The following LARP1B variants were observed in gnomAD, a reference collection of about 807,000 sequenced individuals.
LARP1B encodes the protein La ribonucleoprotein 1B, also known as la-related protein 1B.
A neutral mutation model predicts 114.2 loss-of-function variants in LARP1B; 76 were observed. That is an observed-to-expected ratio of 0.67 (90% confidence interval 0.55 to 0.81). LARP1B has a LOEUF of 0.81. LARP1B is among the 30% of genes least tolerant of loss of function. LARP1B has a pLI of 0.00. For missense variants in LARP1B, 1,014 were observed against 1,075.8 expected, an observed-to-expected ratio of 0.94 and a Z score of 0.80; for synonymous variants, 345 against 348.0, an observed-to-expected ratio of 0.99 and a Z score of 0.10.
At chr4:128,195,615 T>C (rs1388460657) in intron 15 of LARP1B, among the ~76,000 whole-genome samples, 3 of 152,234 alleles carry the variant, frequency 2.0e-5, no homozygotes, top group African/African-American at 7.2e-5. Context: ...GTACCTGTCA[T>C]ACTTTGCAGT....
chr4:128,109,027 C>A, intron 9 of LARP1B: 1 of 167,966 alleles, frequency 6.0e-6, no homozygotes, highest in Non-Finnish European at 1.2e-5. Flanking sequence ...ATATCAGAAA[C>A]TAGATGGTTA....
chr4:128,122,071 C>T lies in LARP1B; in HGVS notation c.1407C>T (p.Thr469=). The T allele has an allele frequency of 6.2e-7, 1 of 1,614,014 alleles. No homozygotes were observed. Residue 469 remains threonine (T), a synonymous_variant, in exon 11 of 20, where the codon ACC becomes ACT. Coordinates refer to ENST00000326639, the MANE Select transcript of LARP1B (RefSeq NM_018078.4). Reference sequence around the variant, plus strand: ...ATCCTGGAGGAGATCGAACAGGCACCCACATGTCTCGGGCAAAAATCACAT... The same window carrying T: ...ATCCTGGAGGAGATCGAACAGGCACTCACATGTCTCGGGCAAAAATCACAT... ...KKHPGGDRTG[T]HMSRAKITSE...
At chr4:128,093,768 T>C (rs1481331104) in intron 7 of LARP1B, among the ~76,000 whole-genome samples, 35 of 146,258 alleles carry the variant, frequency 2.4e-4, no homozygotes, top group Non-Finnish European at 2.5e-4. Flanking sequence ...TGGAGTGCAA[T>C]GGCACGATCT....
intron 6 of LARP1B, among the ~76,000 whole-genome samples, chr4:128,219,998 G>T (rs1399965875): frequency 6.6e-6 from 1 of 152,142 alleles, no homozygotes; most frequent in Non-Finnish European, 1.5e-5. Flanking sequence ...CGATTCTCCT[G>T]CCTCAGCCTC....
intron 7 of LARP1B, among the ~76,000 whole-genome samples, chr4:128,096,205 G>A (rs952905432): frequency 1.3e-5 from 2 of 152,178 alleles, no homozygotes; most frequent in East Asian, 3.9e-4. Flanking sequence ...GTGTTAGCCA[G>A]GATGGTCTCG....
intron 4 of LARP1B, among the ~76,000 whole-genome samples, 178 bp downstream of exon 4, chr4:128,078,140 C>G (rs553906761): frequency 2.0e-5 from 3 of 152,064 alleles, no homozygotes; most frequent in African/African-American, 4.8e-5. Context: ...ATTAGACTTT[C>G]CTTTTTGTAT....
chr4:128,177,441 T>C (rs1407424485), intron 13 of LARP1B, among the ~76,000 whole-genome samples: 1 of 152,172 alleles, frequency 6.6e-6, no homozygotes, highest in East Asian at 1.9e-4. Context: ...TTGCTACTGC[T>C]TGATTCATCT....
intron 12 of LARP1B, among the ~76,000 whole-genome samples, chr4:128,171,462 A>G (rs1357743993): frequency 2.0e-5 from 3 of 152,122 alleles, no homozygotes; most frequent in Non-Finnish European, 4.4e-5. Flanking sequence ...ATTGTCTTAT[A>G]TATCTTCATA....
chr4:128,079,384 C>A lies in LARP1B; in HGVS notation c.217+1422C>A, dbSNP rs146597239. Among the ~76,000 whole-genome samples, 6 of 151,924 alleles carry A rather than the reference C, an allele frequency of 3.9e-5. No homozygotes were observed. The East Asian group carries it at 1.2e-3, about 30-fold the overall frequency. ...TGCTAGGATTACAGGCATGAGCCAC[C>A]GGGCCTGGCCGAATAGTTTGTCTTT... is the stretch of plus-strand genomic sequence containing the variant. On this transcript the variant is annotated intron_variant, in intron 4 of 19. Coordinates refer to ENST00000326639, the MANE Select transcript of LARP1B (RefSeq NM_018078.4).
chr4:128,195,032 C>G (rs1300561847), intron 15 of LARP1B, among the ~76,000 whole-genome samples: 2 of 151,906 alleles, frequency 1.3e-5, no homozygotes, highest in African/African-American at 2.4e-5. Flanking sequence ...TCATTGTCTC[C>G]TGAATTTTAT....
At chr4:128,194,479 G>A (rs1473113352) in intron 15 of LARP1B, among the ~76,000 whole-genome samples, 1 of 150,780 alleles carries the variant, frequency 6.6e-6, no homozygotes, top group Non-Finnish European at 1.5e-5. Context: ...TCAGGAGATT[G>A]AGACCATCCT....
rs1038992954 is a variant in LARP1B at position 128,074,927 on chromosome 4, T to G, written c.-18-7T>G. ...TTCAGACCTAACACTTATTTGTTAC[T>G]TCTTAGGCTAGTGATTTCAGTGATA... On this transcript the variant is annotated splice_region_variant and splice_polypyrimidine_tract_variant and intron_variant, in intron 2 of 19. Transcript: ENST00000326639. 6.3e-7 allele frequency: 1 copy of G among 1,590,426 alleles called. No homozygotes were observed. The highest frequency in any genetic ancestry group is 1.1e-5 in the South Asian group (1 of 89,594).
rs1203676010 is a variant in LARP1B at position 128,122,482 on chromosome 4, G to A, written c.1524+294G>A. The A allele has an allele frequency of 9.9e-6, 15 of 1,517,530 alleles. 1 individual carries two copies. In the South Asian group the frequency reaches 1.7e-4, roughly 17 times the overall value. 94.0% of individuals were successfully genotyped at this position (1,517,530 alleles called of 1,614,324 possible). A position where few individuals can be genotyped will look rare whatever the true frequency, so the allele number is the denominator to read the frequency against. On this transcript the variant is annotated intron_variant, in intron 11 of 19. Transcript: ENST00000326639. ...TTGTTTTTTTTTGTTTTTGTTTTAG[G>A]TGACAATACTGAGAACGCCCTTTCT... is the stretch of plus-strand genomic sequence containing the variant.
intron 1 of LARP1B, among the ~76,000 whole-genome samples, chr4:128,074,205 G>C (rs548969108): frequency 6.6e-6 from 1 of 152,126 alleles, no homozygotes; most frequent in East Asian, 1.9e-4. Flanking sequence ...CTCCCAAAGT[G>C]CTGGGATTAC....
intron 7 of LARP1B, among the ~76,000 whole-genome samples, chr4:128,097,340 T>A (rs985725271): frequency 6.6e-6 from 1 of 151,986 alleles, no homozygotes; most frequent in Non-Finnish European, 1.5e-5. Context: ...GGAGTTTTGC[T>A]CTTGTTGCCC....
Position 128,074,993 on chromosome 4 carries a change from A to G in LARP1B, c.42A>G (p.Gly14=). The G allele has an allele frequency of 6.3e-7, 1 of 1,595,350 alleles. No homozygotes were observed. Among genetic ancestry groups the G allele is most frequent in the Non-Finnish European group, 8.6e-7 (1 of 1,164,888 alleles). Residue 14 remains glycine, a splice_region_variant and synonymous_variant, in exon 3 of 20, where the codon GGA becomes GGG. Coordinates refer to ENST00000326639, the MANE Select transcript of LARP1B (RefSeq NM_018078.4). ...CACCAAGTGAATTAGTGAACACTGG[A>G]GTGAGTATTGTTTTAAAGTTTTTTT... ...WPTPSELVNT[G]FQSVLSQGNK...
intron 15 of LARP1B, among the ~76,000 whole-genome samples, chr4:128,194,814 C>T (rs889916208): frequency 6.7e-6 from 1 of 149,786 alleles, no homozygotes; most frequent in Non-Finnish European, 1.5e-5. Context: ...TTGCAGTGAG[C>T]TGGGATGGGG....
chr4:128,205,405 C>T (rs77341110), intron 17 of LARP1B, among the ~76,000 whole-genome samples: 103 of 152,248 alleles, frequency 6.8e-4, no homozygotes, highest in Middle Eastern at 3.4e-3. Context: ...ATCTTACAGC[C>T]TTGTTTCACT....
At chr4:128,195,310 T>C (rs1407972115) in intron 15 of LARP1B, among the ~76,000 whole-genome samples, 1 of 152,220 alleles carries the variant, frequency 6.6e-6, no homozygotes. Flanking sequence ...TTTATCTTCG[T>C]TCTTTCCTTT....
Sources: gnomAD v4.1 joint callset for allele counts (sites outside exome capture counted in the v4.1 genomes callset) on GRCh38, gnomAD v4.1.1 for gene constraint, MANE v1.5 for transcripts, NCBI Gene and HGNC (gene_info 2026-07-23, HGNC 2026-07-21) for gene names.